RASGRP4: variants seen among roughly 807,000 people sequenced by gnomAD.
RASGRP4 encodes RAS guanyl releasing protein 4.
A neutral mutation model predicts 84.4 loss-of-function variants in RASGRP4; 52 were observed. The observed-to-expected ratio is 0.62, with a 90% CI of 0.49 to 0.78. The LOEUF (loss-of-function observed/expected upper bound fraction) is 0.78, where lower values mean the gene tolerates loss of function less well. Ranked by LOEUF, RASGRP4 falls within the 30% of genes least tolerant of loss-of-function variation. The probability of loss-of-function intolerance (pLI) is 0.00; values close to 1 mark genes in which losing one functional copy is unlikely to be tolerated. For missense variants in RASGRP4, 760 were observed against 886.9 expected (o/e 0.86, Z 1.82); for synonymous variants, 356 against 359.1 (o/e 0.99, Z 0.10).
intron 13 of RASGRP4, chr19:38,411,647 T>C: frequency 1.1e-5 from 5 of 456,386 alleles, no homozygotes; most frequent in Non-Finnish European, 2.0e-5. Flanking sequence ...TGAACCATGA[T>C]CGTACCACGG....
rs988916345 is a variant in RASGRP4, at chr19:38,418,253, A to T, written c.837+138T>A. The T allele has an allele frequency of 5.8e-6, 5 of 869,188 alleles. No homozygotes were observed. Among genetic ancestry groups the T allele is most frequent in the Non-Finnish European group, 8.9e-6 (5 of 561,000 alleles). 53.8% of individuals were successfully genotyped at this position (869,188 alleles called of 1,614,324 possible). The stretch of plus-strand genomic sequence containing the variant: ...GTTACGGTCCTTGGTTGGAATGCCC[A>T]GGCTGTGGCCTCGGGGGCGGGGCCG... On this transcript the variant is annotated intron_variant, in intron 7 of 16. Coordinates refer to ENST00000615439, the MANE Select transcript of RASGRP4 (RefSeq NM_170604.3). This position sits in a 1 kb window ranked among gnomAD's most constrained non-coding sequence, Gnocchi z 4.6.
intron 1 of RASGRP4, 76 bp from the exon 2 acceptor site, chr19:38,422,229 G>T: frequency 7.3e-7 from 1 of 1,373,176 alleles, no homozygotes; most frequent in Non-Finnish European, 9.8e-7. Flanking sequence ...TGACTCTAAT[G>T]CCCCAAGGCA....
chr19:38,420,061 C>A lies in RASGRP4; in HGVS notation c.510-48G>T, dbSNP rs779502332. 8 of 1,608,942 alleles carry A rather than the reference C, an allele frequency of 5.0e-6. No individual in the cohort carries two copies. The South Asian group carries it at 8.8e-5, about 18-fold the overall frequency. On this transcript the variant is annotated intron_variant, in intron 5 of 16. Transcript: ENST00000615439. ...TATTGGAGTGGCTCACAGTTGAGGG[C>A]TTGGGGATATAGAGGGAGATGGCAG...
intron 8 of RASGRP4, among the ~76,000 whole-genome samples, chr19:38,416,463 C>CAAAA (rs765219678): frequency 1.7e-5 from 1 of 58,660 alleles, no homozygotes; most frequent in Non-Finnish European, 3.8e-5. Context: ...GACTCTGTCT[C>CAAAA]AAAAAAAAAA....
At chr19:38,410,142 G>C in intron 16 of RASGRP4, 46 bp from the exon 17 acceptor site, 1 of 1,504,556 alleles carries the variant, frequency 6.6e-7, no homozygotes, top group Non-Finnish European at 9.2e-7. Context: ...GATGTGGGGA[G>C]CATATGATGT....
At chr19:38,420,370 ATG>A in intron 4 of RASGRP4, 108 bp from the exon 5 acceptor site, 1 of 1,164,096 alleles carries the variant, frequency 8.6e-7, no homozygotes, top group South Asian at 1.6e-5. Flanking sequence ...GGGTCTCTAA[ATG>A]TGTGTGGGGG....
At position 38,417,266 on chromosome 19, in the gene RASGRP4, T is replaced by G; in HGVS notation, c.838-98A>C. ...CAGTTGAGGTGGGGTCCCAGGCATG[T>G]GTGGACCAATGTGGGGATCAGACAG... On this transcript the variant is annotated intron_variant, in intron 7 of 16. Coordinates refer to ENST00000615439, the MANE Select transcript of RASGRP4 (RefSeq NM_170604.3). The surrounding 1 kb of genome is among the most constrained non-coding windows in gnomAD (Gnocchi z 5.1). 1 of 740,408 alleles carries G rather than the reference T, an allele frequency of 1.4e-6. No homozygotes were observed. The allele number at this position is 740,408 out of a possible 1,614,324, so 45.9% of individuals were successfully genotyped here. A position where few individuals can be genotyped will look rare whatever the true frequency, so the allele number is the denominator to read the frequency against.
chr19:38,420,932 C>T lies in RASGRP4; in HGVS notation c.353G>A (p.Arg118Gln), dbSNP rs752669756. Residue 118 changes from arginine (R) to glutamine (Q), a missense_variant, in exon 4 of 17, where the codon CGG (arginine) becomes CAG (glutamine). Coordinates refer to ENST00000615439, the MANE Select transcript of RASGRP4 (RefSeq NM_170604.3). ...CCTGACCAGGTGACAGATCTGCAGCCGTCTCAGCTCCTGGGTGTCCCCTGT... is the reference window on the plus strand; with the variant it reads ...CCTGACCAGGTGACAGATCTGCAGCTGTCTCAGCTCCTGGGTGTCCCCTGT... The part of the protein sequence containing the change: ...KATGDTQELR[R>Q]LQICHLVRYW... The T allele has an allele frequency of 2.5e-5, 41 of 1,613,718 alleles. No individual in the cohort carries two copies. Among genetic ancestry groups the T allele is most frequent in the African/African-American group, 1.5e-4 (11 of 74,856 alleles).
chr19:38,424,419 TCCCACCTCTACC>T (rs1971899001), intron 1 of RASGRP4, among the ~76,000 whole-genome samples: 1 of 150,182 alleles, frequency 6.7e-6, no homozygotes, highest in African/African-American at 2.5e-5. Context: ...CACGCCAGGC[TCCCACCTCTACC>T]CTTTTTCAGA....
In RASGRP4 at chr19:38,413,558, G is replaced by T; in HGVS notation, c.1231-84C>A. The T allele has an allele frequency of 8.5e-7, 1 of 1,171,242 alleles. No homozygotes were observed. The highest frequency in any genetic ancestry group is 1.2e-6 in the Non-Finnish European group (1 of 807,282). 72.6% of individuals were successfully genotyped at this position (1,171,242 alleles called of 1,614,324 possible). A position where few individuals can be genotyped will look rare whatever the true frequency, so the allele number is the denominator to read the frequency against. On this transcript the variant is annotated intron_variant, in intron 9 of 16. Transcript: ENST00000615439. The surrounding 1 kb of genome is among the most constrained non-coding windows in gnomAD (Gnocchi z 4.7). ...CACCCACTCGCAGGCTCTTCCCAAA[G>T]CCCCTCCTGGGTTCAAATCCTGGCA...
rs753112169 is a variant in RASGRP4, at chr19:38,413,457, G to A, written c.1248C>T (p.Phe416=). 3 of 1,599,874 alleles carry A rather than the reference G, an allele frequency of 1.9e-6. No homozygotes were observed. The highest frequency in any genetic ancestry group is 2.3e-5 in the East Asian group (1 of 44,230). ...LHLLTLSLDL[F]YTEDEIYELS... is the part of the protein sequence containing the mutation. Reference sequence around the variant, plus strand: ...GCTCATAGATCTCGTCTTCCGTGTAGAAGAGGTCCAGGGAGAGCTGGAGCA... The same window carrying A: ...GCTCATAGATCTCGTCTTCCGTGTAAAAGAGGTCCAGGGAGAGCTGGAGCA... Residue 416 remains phenylalanine (F), a synonymous_variant, in exon 10 of 17, where the codon TTC becomes TTT. Transcript: ENST00000615439. The surrounding 1 kb of genome is among the most constrained non-coding windows in gnomAD (Gnocchi z 4.7).
intron 8 of RASGRP4, among the ~76,000 whole-genome samples, chr19:38,415,331 C>CTTTGGCTAAAATGATTTCTTT (rs1971454406): frequency 6.6e-6 from 1 of 150,532 alleles, no homozygotes; most frequent in Non-Finnish European, 1.5e-5. Flanking sequence ...ATCCCCCATT[C>CTTTGGCTAAAATGATTTCTTT]TTTGGCTAAA....
chr19:38,420,382 G>A (rs189243608), intron 4 of RASGRP4, 120 bp from the exon 5 acceptor site: 1 of 1,130,378 alleles, frequency 8.8e-7, no homozygotes, highest in Non-Finnish European at 1.2e-6. Context: ...GTGTGTGGGG[G>A]TCCCTGGAGG....
At position 38,422,055 on chromosome 19, in the gene RASGRP4, T is replaced by A. The variant is rs1971777582; in HGVS notation, c.122A>T (p.Lys41Met). The change falls in exon 2 of 17, where the codon AAG (lysine) becomes ATG (methionine). Residue 41 changes from lysine (K) to methionine (M), a missense_variant. Lys to Met is a moderately conservative substitution (Grantham distance 95). Transcript: ENST00000615439. ...GCCCAGGTTCATGGAAGCCATGACC[T>A]TGCTGATTTCCCGAGGGCTGGGGCA... ...KTCPSPREISKVMASMNLGLL... is the reference protein window; with the variant it reads ...KTCPSPREISMVMASMNLGLL... The A allele has an allele frequency of 1.9e-6, 3 of 1,613,702 alleles. No individual in the cohort carries two copies. The South Asian group carries it at 3.3e-5, about 18-fold the overall frequency.
Position 38,421,120 on chromosome 19 carries a change from C to T in RASGRP4, c.289G>A (p.Asp97Asn), listed in dbSNP as rs200230486. The change falls in exon 3 of 17, where the codon GAC becomes AAC. Residue 97 changes from aspartate (D) to asparagine (N), a missense_variant. Asp to Asn is a conservative substitution (Grantham distance 23). Transcript: ENST00000615439. ...GAGGTCAGCAGGCGGGCAGCCAGGTCGGCGGACGGCAGCACCCAGCTGTGC... is the reference window on the plus strand; with the variant it reads ...GAGGTCAGCAGGCGGGCAGCCAGGTTGGCGGACGGCAGCACCCAGCTGTGC... ...AMHSWVLPSADLAARLLTSYQ... is the reference protein window; with the variant it reads ...AMHSWVLPSANLAARLLTSYQ... 7.3e-5 allele frequency: 117 copies of T among 1,613,788 alleles called. No homozygotes were observed. The highest frequency in any genetic ancestry group is 1.2e-4 in the African/African-American group (9 of 75,038).
rs750033997 is a variant in RASGRP4, at chr19:38,418,363, G to A, written c.837+28C>T. On this transcript the variant is annotated intron_variant, in intron 7 of 16. Transcript: ENST00000615439. This position sits in a 1 kb window ranked among gnomAD's most constrained non-coding sequence, Gnocchi z 4.6. ...GGACCAGGTGGCTGCGTGCAGTGGA[G>A]TTCGCAGCCCCAAGGGGCGGGCCTC... 3.8e-6 allele frequency: 6 copies of A among 1,590,732 alleles called. No individual in the cohort carries two copies. In the South Asian group the frequency reaches 5.7e-5, roughly 15 times the overall value.
chr19:38,411,388 A>C lies in RASGRP4; in HGVS notation c.1681-7T>G, dbSNP rs1270904200. The C allele has an allele frequency of 6.4e-7, 1 of 1,555,736 alleles. No individual in the cohort carries two copies. The highest frequency in any genetic ancestry group is 1.9e-5 in the Admixed American group (1 of 52,804). Reference sequence around the variant, plus strand: ...GCTTGGTGACACCCCAGAGCTGGGAAGAGAAAGGAGAAAAGGTTACCCATC... The same window carrying C: ...GCTTGGTGACACCCCAGAGCTGGGACGAGAAAGGAGAAAAGGTTACCCATC... On this transcript the variant is annotated splice_polypyrimidine_tract_variant and splice_region_variant and intron_variant, in intron 13 of 16. Coordinates refer to ENST00000615439, the MANE Select transcript of RASGRP4 (RefSeq NM_170604.3).
chr19:38,416,925 T>G, intron 8 of RASGRP4, 127 bp downstream of exon 8: 1 of 648,412 alleles, frequency 1.5e-6, no homozygotes, highest in Non-Finnish European at 2.8e-6. Context: ...GGTCTGGGAT[T>G]TGGAGGAGCA....
At chr19:38,425,276 G>C (rs1356187136) in intron 1 of RASGRP4, among the ~76,000 whole-genome samples, 2 of 151,916 alleles carry the variant, frequency 1.3e-5, no homozygotes, top group African/African-American at 4.8e-5. Flanking sequence ...TCTGAGGCTC[G>C]CTCCAGTTTG....
Sources: gnomAD v4.1 joint callset for allele counts (sites outside exome capture counted in the v4.1 genomes callset) on GRCh38, gnomAD v4.1.1 for gene constraint, Gnocchi (gnomAD v3.1) non-coding constraint, MANE v1.5 for transcripts, NCBI Gene and HGNC (gene_info 2026-07-23, HGNC 2026-07-21) for gene names.